HIVEP1: variants seen among roughly 807,000 people sequenced by gnomAD.
HIVEP1 encodes zinc finger protein 40.
A neutral mutation model predicts 180.0 loss-of-function variants in HIVEP1; 36 were observed. The observed-to-expected ratio is 0.20, with a 90% confidence interval of 0.15 to 0.26. The LOEUF (loss-of-function observed/expected upper bound fraction) is 0.26, where lower values mean the gene tolerates loss of function less well. HIVEP1 is among the 10% of genes least tolerant of loss of function. The pLI is 1.00. For synonymous variants in HIVEP1, 1,239 were observed against 1,239.0 expected, an observed-to-expected ratio of 1.00 and a Z score of 0.00; for missense variants, 3,143 against 3,268.7, an observed-to-expected ratio of 0.96 and a Z score of 0.94.
chr6:12,077,754 A>G (rs527422229), intron 2 of HIVEP1, among the ~76,000 whole-genome samples: 2 of 152,312 alleles, frequency 1.3e-5, no homozygotes, highest in South Asian at 4.1e-4. Flanking sequence ...GAAGAAATGT[A>G]ATGGCATTCT....
upstream of HIVEP1, among the ~76,000 whole-genome samples, chr6:12,009,304 G>C (rs1358093522): frequency 6.6e-6 from 1 of 151,680 alleles, no homozygotes; most frequent in Non-Finnish European, 1.5e-5. Flanking sequence ...GCGGCTCCGG[G>C]GTGGACTTTG....
intron 2 of HIVEP1, among the ~76,000 whole-genome samples, chr6:12,087,389 G>A (rs1467222725): frequency 6.6e-6 from 1 of 151,942 alleles, no homozygotes; most frequent in Non-Finnish European, 1.5e-5. Flanking sequence ...ATTATATAAT[G>A]CAAAATTATG....
At chr6:12,201,059 G>A in the HIVEP1 span, among the ~76,000 whole-genome samples, 1 of 152,232 alleles carries the variant, frequency 6.6e-6, no homozygotes, top group Non-Finnish European at 1.5e-5. Flanking sequence ...GAGCAGAGAA[G>A]GGAAGCTAGT....
chr6:12,043,095 C>A (rs1326989638), intron 2 of HIVEP1, among the ~76,000 whole-genome samples: 1 of 152,160 alleles, frequency 6.6e-6, no homozygotes, highest in African/African-American at 2.4e-5. Flanking sequence ...TTATTTGTTC[C>A]TGTGCTATAC....
chr6:12,033,217 G>A (rs1769069049), intron 2 of HIVEP1, among the ~76,000 whole-genome samples: 1 of 152,162 alleles, frequency 6.6e-6, no homozygotes, highest in Non-Finnish European at 1.5e-5. Context: ...AGGCTAGGTT[G>A]TTACAATGCT....
intron 1 of HIVEP1, among the ~76,000 whole-genome samples, chr6:12,014,464 A>G (rs1274250615): frequency 5.9e-5 from 9 of 152,246 alleles, no homozygotes; most frequent in Admixed American, 2.6e-4. Flanking sequence ...ACACAGGCAC[A>G]TAGTAGGTGC....
chr6:12,121,851 G>T lies in HIVEP1; in HGVS notation c.2056G>T (p.Val686Leu). 1 of 1,614,196 alleles carries T rather than the reference G, an allele frequency of 6.2e-7. No homozygotes were observed. The highest frequency in any genetic ancestry group is 8.5e-7 in the Non-Finnish European group (1 of 1,180,042). Residue 686 changes from valine to leucine, a missense_variant, in exon 4 of 9, where the codon GTG becomes TTG. Physicochemically the swap from Val to Leu is conservative, Grantham distance 32. Coordinates refer to ENST00000379388, the MANE Select transcript of HIVEP1 (RefSeq NM_002114.4). The surrounding 1 kb of genome is among the most constrained non-coding windows in gnomAD (Gnocchi z 5.3). ...ACGTTCTGAAAGTGCCGATCAAACA[G>T]TGAGTCCACCAACTCCCTTTGCCAG... Reference protein sequence around the residue: ...FSRSESADQTVSPPTPFARRL... With the variant: ...FSRSESADQTLSPPTPFARRL...
At chr6:12,114,043 A>G (rs1435383776) in intron 3 of HIVEP1, among the ~76,000 whole-genome samples, 1 of 152,144 alleles carries the variant, frequency 6.6e-6, no homozygotes, top group African/African-American at 2.4e-5. Context: ...GTTTATAAAC[A>G]CACTCAACCC....
chr6:12,056,242 A>G (rs1349911343), intron 2 of HIVEP1, among the ~76,000 whole-genome samples: 1 of 152,190 alleles, frequency 6.6e-6, no homozygotes, highest in Admixed American at 6.5e-5. Flanking sequence ...TTACTGGGCA[A>G]TGTGAGGTTT....
intron 3 of HIVEP1, among the ~76,000 whole-genome samples, chr6:12,117,546 C>G (rs1210076034): frequency 4.6e-5 from 7 of 152,130 alleles, no homozygotes; most frequent in Non-Finnish European, 2.9e-5. Context: ...TTGTTTAAAT[C>G]ACATACAGTA....
In HIVEP1 at chr6:12,120,017, A is replaced by G; in HGVS notation, c.222A>G (p.Lys74=). Residue 74 remains lysine (K), a synonymous_variant, in exon 4 of 9, where the codon AAA becomes AAG. Coordinates refer to ENST00000379388, the MANE Select transcript of HIVEP1 (RefSeq NM_002114.4). The part of the protein sequence containing the change: ...KSPLRNPLQA[K]HKQNTEESSF... The stretch of plus-strand genomic sequence containing the variant: ...CACTGAGAAATCCTCTTCAGGCAAA[A>G]CATAAACAAAATACAGAAGAGTCAT... The G allele has an allele frequency of 6.2e-7, 1 of 1,613,276 alleles. No individual in the cohort carries two copies. Among genetic ancestry groups the G allele is most frequent in the East Asian group, 2.2e-5 (1 of 44,884 alleles).
downstream of HIVEP1, among the ~76,000 whole-genome samples, chr6:12,167,802 G>T (rs56026485): frequency 2.1e-5 from 3 of 142,232 alleles, no homozygotes; most frequent in Admixed American, 1.4e-4. Flanking sequence ...ATATACACAT[G>T]TACATGTATA....
downstream of HIVEP1, among the ~76,000 whole-genome samples, chr6:12,169,517 T>C (rs1760843412): frequency 6.6e-6 from 1 of 152,202 alleles, no homozygotes; most frequent in South Asian, 2.1e-4. Flanking sequence ...GTACAGTTTC[T>C]ACCCCAGAGG....
intron 8 of HIVEP1, 120 bp downstream of exon 8, chr6:12,162,049 T>C: frequency 1.1e-6 from 1 of 889,922 alleles, no homozygotes; most frequent in Non-Finnish European, 1.7e-6. Flanking sequence ...AATCAGTTTG[T>C]ATAGCTTTAT....
intron 2 of HIVEP1, among the ~76,000 whole-genome samples, chr6:12,020,855 T>G (rs1768136774): frequency 1.3e-5 from 2 of 151,694 alleles, no homozygotes; most frequent in South Asian, 4.1e-4. Flanking sequence ...TGAGAACTCT[T>G]TTCCTGTCTG....
chr6:12,131,745 C>G (rs1445117711), intron 6 of HIVEP1, among the ~76,000 whole-genome samples: 3 of 68,016 alleles, frequency 4.4e-5, no homozygotes, highest in Non-Finnish European at 8.6e-5. Flanking sequence ...TTTAACAAAG[C>G]AAGGTAATCG....
intron 7 of HIVEP1, among the ~76,000 whole-genome samples, chr6:12,147,470 AT>A (rs1464605797): frequency 6.6e-6 from 1 of 152,196 alleles, no homozygotes. Context: ...GAGACAAAAG[AT>A]TATAGGGCTT....
chr6:12,135,462 A>G (rs1032906551), intron 6 of HIVEP1, among the ~76,000 whole-genome samples: 1 of 152,236 alleles, frequency 6.6e-6, no homozygotes, highest in Non-Finnish European at 1.5e-5. Flanking sequence ...CAAGAACTAC[A>G]GATCATAGTG....
chr6:12,196,661 G>C, the HIVEP1 span, among the ~76,000 whole-genome samples: 1 of 152,080 alleles, frequency 6.6e-6, no homozygotes, highest in Non-Finnish European at 1.5e-5. Flanking sequence ...TGCGACCCCA[G>C]TTACAGCTCT....
Sources: allele counts gnomAD v4.1 joint callset (sites outside exome capture counted in the v4.1 genomes callset), GRCh38; gene constraint gnomAD v4.1.1; non-coding constraint Gnocchi (gnomAD v3.1); transcripts MANE v1.5; gene names NCBI Gene and HGNC (gene_info 2026-07-23, HGNC 2026-07-21).